Variants in PXDNL observed in about 807,000 individuals in gnomAD.
PXDNL encodes the protein probable oxidoreductase PXDNL.
Under a neutral mutation model 150.8 loss-of-function variants are expected in PXDNL, and 145 were observed. That is an observed-to-expected ratio of 0.96 (90% CI 0.84 to 1.10). PXDNL has a LOEUF of 1.10. PXDNL is among the 50% of genes least tolerant of loss of function. PXDNL has a pLI of 0.00. For missense variants in PXDNL, 2,087 were observed against 1,873.9 expected (o/e 1.11, Z -2.10); for synonymous variants, 757 against 725.7 (o/e 1.04, Z -0.69).
chr8:51,425,687 G>A (rs1809077878), intron 13 of PXDNL, among the ~76,000 whole-genome samples: 2 of 152,058 alleles, frequency 1.3e-5, no homozygotes, highest in Admixed American at 1.3e-4. Context: ...CGGGCGTGGT[G>A]GCGGGCGCCT....
intron 2 of PXDNL, among the ~76,000 whole-genome samples, chr8:51,605,457 GA>G (rs1813818468): frequency 6.6e-6 from 1 of 151,778 alleles, no homozygotes. Context: ...TCAAAAATAT[GA>G]AATGCATACA....
intron 2 of PXDNL, among the ~76,000 whole-genome samples, chr8:51,646,388 T>A (rs1330025469): frequency 6.6e-6 from 1 of 152,190 alleles, no homozygotes; most frequent in Non-Finnish European, 1.5e-5. Context: ...ACCTGGTCTG[T>A]GGCATTTTGT....
At chr8:51,731,410 G>A (rs753487141) in intron 1 of PXDNL, among the ~76,000 whole-genome samples, 11 of 152,236 alleles carry the variant, frequency 7.2e-5, no homozygotes, top group Non-Finnish European at 1.5e-4. Flanking sequence ...GTCTTAGGCA[G>A]CTCCACCCCT....
intron 10 of PXDNL, among the ~76,000 whole-genome samples, chr8:51,450,062 C>T (rs4588847): frequency 5.1e-4 from 78 of 152,220 alleles, no homozygotes; most frequent in African/African-American, 1.8e-3. Flanking sequence ...TTCTGGAAAG[C>T]GGTGGGCAAT....
chr8:51,708,431 T>A (rs779527031), intron 1 of PXDNL, among the ~76,000 whole-genome samples: 1 of 152,184 alleles, frequency 6.6e-6, no homozygotes, highest in Non-Finnish European at 1.5e-5. Flanking sequence ...GAAAGCAGAC[T>A]AAAATAAAAA....
At chr8:51,564,777 G>A (rs1812782777) in intron 3 of PXDNL, among the ~76,000 whole-genome samples, 2 of 151,928 alleles carry the variant, frequency 1.3e-5, no homozygotes, top group Admixed American at 6.6e-5. Context: ...CATCAATGAT[G>A]CCAAAACCAT....
Position 51,466,001 on chromosome 8 carries a change from C to T in PXDNL, c.812+6186G>A, listed in dbSNP as rs560199029. Among the ~76,000 whole-genome samples, 4 of 152,062 alleles carry T rather than the reference C, an allele frequency of 2.6e-5. 1 individual carries two copies. In the South Asian group the frequency reaches 6.2e-4, roughly 24 times the overall value. On this transcript the variant is annotated intron_variant, in intron 8 of 22. Coordinates refer to ENST00000356297, the MANE Select transcript of PXDNL (RefSeq NM_144651.5). ...GCAATTTACAAATTCAATGCTATTC[C>T]TATCAAAACACCAATGTCATTTTTC...
intron 5 of PXDNL, among the ~76,000 whole-genome samples, chr8:51,492,751 G>A (rs1810926675): frequency 6.6e-6 from 1 of 152,160 alleles, no homozygotes; most frequent in Non-Finnish European, 1.5e-5. Context: ...GCCTGCGATT[G>A]CCCAGGCTTG....
chr8:51,553,771 T>TATATATATATATATATATATATATACAC (rs1236843720), intron 4 of PXDNL, among the ~76,000 whole-genome samples: 20 of 63,788 alleles, frequency 3.1e-4, no homozygotes, highest in African/African-American at 1.9e-3. Context: ...TATATATATA[T>TATATATATATATATATATATATATACAC]ACACACACTG....
chr8:51,541,805 C>G (rs918852344), intron 4 of PXDNL, among the ~76,000 whole-genome samples: 1 of 152,160 alleles, frequency 6.6e-6, no homozygotes, highest in Non-Finnish European at 1.5e-5. Context: ...AGAGATCACC[C>G]CGTGTGTCCC....
At chr8:51,744,048 AGG>A (rs1216173943) in intron 1 of PXDNL, among the ~76,000 whole-genome samples, 8 of 40,876 alleles carry the variant, frequency 2.0e-4, no homozygotes, top group South Asian at 2.1e-3. Flanking sequence ...GAAGGAAGGA[AGG>A]AAGGAAGGAA....
At chr8:51,646,563 G>A (rs982718933) in intron 2 of PXDNL, among the ~76,000 whole-genome samples, 4 of 152,134 alleles carry the variant, frequency 2.6e-5, no homozygotes, top group African/African-American at 7.2e-5. Context: ...GGCAGCCAAC[G>A]GTTACCTTTC....
At chr8:51,568,280 A>T (rs1380110733) in intron 3 of PXDNL, among the ~76,000 whole-genome samples, 1 of 151,934 alleles carries the variant, frequency 6.6e-6, no homozygotes, top group Non-Finnish European at 1.5e-5. Context: ...TTTTTTAAAC[A>T]TTCATTGCAA....
intron 2 of PXDNL, among the ~76,000 whole-genome samples, chr8:51,612,587 C>G (rs1814034980): frequency 6.6e-6 from 1 of 152,036 alleles, no homozygotes; most frequent in Admixed American, 6.5e-5. Flanking sequence ...GAAGTGGGAC[C>G]TTTGAGAGGT....
intron 1 of PXDNL, among the ~76,000 whole-genome samples, chr8:51,804,083 G>A (rs1013362975): frequency 2.0e-5 from 3 of 152,086 alleles, no homozygotes; most frequent in Non-Finnish European, 2.9e-5. Flanking sequence ...AGCACAATTC[G>A]GTTTTATACA....
At chr8:51,444,874 C>T (rs185085400) in intron 12 of PXDNL, among the ~76,000 whole-genome samples, 1 of 152,100 alleles carries the variant, frequency 6.6e-6, no homozygotes, top group Non-Finnish European at 1.5e-5. Flanking sequence ...CCACTCCAAC[C>T]TATCCTATCC....
At position 51,600,638 on chromosome 8, in the gene PXDNL, T is replaced by TC. The variant is rs544149750; in HGVS notation, c.237-7941_237-7940insG. On this transcript the variant is annotated intron_variant, in intron 2 of 22. Transcript: ENST00000356297. ...TAAATTATATCTTATATAAATTATA[T>TC]AGTTAGATAATAAATTATATCTTAT... Among the ~76,000 whole-genome samples, 874 of 92,448 alleles carry TC rather than the reference T, an allele frequency of 9.5e-3. 48 individuals carry two copies. Among genetic ancestry groups the TC allele is most frequent in the African/African-American group, 0.039 (787 of 20,090 alleles). The allele number at this position is 92,448 out of a possible 152,430, so 60.6% of individuals were successfully genotyped here. A position where few individuals can be genotyped will look rare whatever the true frequency, so the allele number is the denominator to read the frequency against.
At chr8:51,440,551 T>C (rs959343330) in intron 12 of PXDNL, among the ~76,000 whole-genome samples, 3 of 152,156 alleles carry the variant, frequency 2.0e-5, no homozygotes, top group African/African-American at 7.2e-5. Context: ...CTCTCCCACA[T>C]TGCAGCTATC....
intron 1 of PXDNL, among the ~76,000 whole-genome samples, chr8:51,706,192 T>A (rs1308741690): frequency 6.6e-6 from 1 of 152,108 alleles, no homozygotes; most frequent in Non-Finnish European, 1.5e-5. Context: ...GTGTCTGTAA[T>A]CCCAGTTACT....
Sources: allele counts gnomAD v4.1 joint callset (sites outside exome capture counted in the v4.1 genomes callset), GRCh38; gene constraint gnomAD v4.1.1; transcripts MANE v1.5; gene names NCBI Gene and HGNC (gene_info 2026-07-23, HGNC 2026-07-21).